The following TF variants were observed in gnomAD, a reference collection of about 807,000 sequenced individuals.
The protein encoded by TF is transferrin.
TF carries 55 observed loss-of-function variants against 82.4 expected under a neutral mutation model. The ratio of observed to expected loss-of-function variants is 0.67; its 90% CI spans 0.54 to 0.84. TF has a LOEUF of 0.84. Among genes scored for constraint, TF ranks in the 40% least tolerant of loss-of-function variants. The pLI, the probability that TF is intolerant of heterozygous loss-of-function variation, is 0.00. For missense variants in TF, 737 were observed against 868.4 expected, an observed-to-expected ratio of 0.85 and a Z score of 1.90; for synonymous variants, 332 against 332.6, an observed-to-expected ratio of 1.00 and a Z score of 0.02.
the TF span, among the ~76,000 whole-genome samples, chr3:133,726,209 T>C: frequency 1.3e-5 from 2 of 152,214 alleles, no homozygotes; most frequent in Non-Finnish European, 2.9e-5. Flanking sequence ...TTTCTATTGA[T>C]TGGAATAGTC....
At chr3:133,697,866 A>G in the TF span, among the ~76,000 whole-genome samples, 1 of 152,258 alleles carries the variant, frequency 6.6e-6, no homozygotes, top group Non-Finnish European at 1.5e-5. Context: ...TTGAGATTTT[A>G]TCAACCCCAA....
At chr3:133,745,539 G>C (rs1933475899), upstream of TF, among the ~76,000 whole-genome samples, 1 of 152,290 alleles carries the variant, frequency 6.6e-6, no homozygotes, top group African/African-American at 2.4e-5. Context: ...TTCATGATAA[G>C]GATGTGTAAT....
intron 1 of TF, chr3:133,748,014 T>G: frequency 4.9e-6 from 1 of 202,382 alleles, no homozygotes; most frequent in Non-Finnish European, 1.0e-5. Flanking sequence ...TGGTTTTCCA[T>G]AGTTGAGGTA....
At position 133,785,396 on chromosome 3, in the gene TF, T is replaced by G. The variant is rs1451445083; in HGVS notation, c.*6776T>G. On this transcript the variant is annotated 3_prime_UTR_variant, in exon 17 of 17. Transcript: ENST00000402696. ...CCAGCCGCCCTGTCCGGGAGGGAGGTGGGGGTGTCAGCCCCACGCCCGGCC... is the reference window on the plus strand; with the variant it reads ...CCAGCCGCCCTGTCCGGGAGGGAGGGGGGGGTGTCAGCCCCACGCCCGGCC... 1.1e-5 allele frequency: 1 copy of G among 90,090 alleles called. No homozygotes were observed. Among genetic ancestry groups the G allele is most frequent in the Non-Finnish European group, 2.3e-5 (1 of 44,380 alleles). The allele number at this position is 90,090 out of a possible 1,614,324, so 5.6% of individuals were successfully genotyped here. A position where few individuals can be genotyped will look rare whatever the true frequency, so the allele number is the denominator to read the frequency against.
At chr3:133,705,702 T>C in the TF span, among the ~76,000 whole-genome samples, 1 of 152,246 alleles carries the variant, frequency 6.6e-6, no homozygotes, top group Admixed American at 6.5e-5. Context: ...GGGTTTAATG[T>C]CATGTACCTT....
chr3:133,718,749 C>A, the TF span, among the ~76,000 whole-genome samples: 1 of 152,104 alleles, frequency 6.6e-6, no homozygotes, highest in South Asian at 2.1e-4. Flanking sequence ...ACTTTGAGAA[C>A]CATTAGTCTA....
intron 6 of TF, 63 bp downstream of exon 6, chr3:133,756,400 C>A: frequency 6.6e-7 from 1 of 1,525,326 alleles, no homozygotes; most frequent in Non-Finnish European, 9.1e-7. Flanking sequence ...TTTCTGTGTT[C>A]CCTTTTTCAT....
At chr3:133,737,831 A>G in the TF span, among the ~76,000 whole-genome samples, 2 of 152,220 alleles carry the variant, frequency 1.3e-5, no homozygotes, top group African/African-American at 4.8e-5. Context: ...ATAGCCTACC[A>G]AGAAAAAATA....
chr3:133,667,431 A>G, the TF span, among the ~76,000 whole-genome samples: 1 of 152,180 alleles, frequency 6.6e-6, no homozygotes, highest in Non-Finnish European at 1.5e-5. Flanking sequence ...TGTCCTAAAA[A>G]CAAGAGATAA....
the TF span, among the ~76,000 whole-genome samples, chr3:133,698,166 G>A: frequency 2.6e-4 from 40 of 152,370 alleles, no homozygotes; most frequent in South Asian, 6.2e-4. Flanking sequence ...CTCTTGAGCT[G>A]CTCGCTGGAG....
the TF span, among the ~76,000 whole-genome samples, chr3:133,672,130 T>C: frequency 6.6e-6 from 1 of 152,160 alleles, no homozygotes; most frequent in Admixed American, 6.5e-5. Context: ...ATGGACAAAT[T>C]TCTTTAACAA....
the TF span, among the ~76,000 whole-genome samples, chr3:133,688,803 G>C: frequency 1.3e-5 from 2 of 152,064 alleles, no homozygotes; most frequent in Non-Finnish European, 2.9e-5. Flanking sequence ...TTTTCAGATG[G>C]TGGAATGCCT....
chr3:133,707,110 T>C, the TF span, among the ~76,000 whole-genome samples: 1 of 151,906 alleles, frequency 6.6e-6, no homozygotes, highest in African/African-American at 2.4e-5. Flanking sequence ...ACTTAGAGGA[T>C]GGTTTAGTCA....
chr3:133,683,737 C>A, the TF span, among the ~76,000 whole-genome samples: 1 of 152,056 alleles, frequency 6.6e-6, no homozygotes, highest in Non-Finnish European at 1.5e-5. Context: ...ACTTAGACTC[C>A]CACACAATAA....
At chr3:133,678,077 T>A in the TF span, among the ~76,000 whole-genome samples, 6 of 152,288 alleles carry the variant, frequency 3.9e-5, no homozygotes, top group South Asian at 1.0e-3. Flanking sequence ...ATTCTCATTG[T>A]TCAACTCCCA....
the TF span, among the ~76,000 whole-genome samples, chr3:133,675,572 G>A: frequency 6.6e-6 from 1 of 152,210 alleles, no homozygotes; most frequent in African/African-American, 2.4e-5. Context: ...AAGTTCATTG[G>A]CAAAAGTAAA....
intron 1 of TF, among the ~76,000 whole-genome samples, chr3:133,746,981 G>A (rs533789091): frequency 4.6e-5 from 7 of 152,294 alleles, no homozygotes; most frequent in Admixed American, 1.3e-4. Flanking sequence ...CACCAGGGAG[G>A]GGGTCATCAC....
At chr3:133,696,453 A>G in the TF span, among the ~76,000 whole-genome samples, 2 of 152,258 alleles carry the variant, frequency 1.3e-5, no homozygotes, top group Non-Finnish European at 2.9e-5. Flanking sequence ...TGTGGGTCTT[A>G]GAACATATCC....
chr3:133,699,189 T>C, the TF span, among the ~76,000 whole-genome samples: 1 of 152,236 alleles, frequency 6.6e-6, no homozygotes, highest in Non-Finnish European at 1.5e-5. Context: ...ACCATTCCTA[T>C]TAGCAGAGCC....
Sources: allele counts gnomAD v4.1 joint callset (sites outside exome capture counted in the v4.1 genomes callset), GRCh38; gene constraint gnomAD v4.1.1; transcripts MANE v1.5; gene names NCBI Gene and HGNC (gene_info 2026-07-23, HGNC 2026-07-21).